The following TSHZ3 variants were observed in gnomAD, a reference collection of about 807,000 sequenced individuals.
TSHZ3 encodes the protein teashirt zinc finger homeobox 3, also known as teashirt homolog 3.
A neutral mutation model predicts 64.5 loss-of-function variants in TSHZ3; 10 were observed. The observed-to-expected ratio is 0.16, with a 90% CI of 0.10 to 0.26. The LOEUF (loss-of-function observed/expected upper bound fraction) is 0.26. Ranked by LOEUF, TSHZ3 falls within the 10% of genes least tolerant of loss-of-function variation. The pLI, the probability that TSHZ3 is intolerant of heterozygous loss-of-function variation, is 1.00. For synonymous variants in TSHZ3, 608 were observed against 593.1 expected (o/e 1.03, Z -0.36); for missense variants, 1,242 against 1,421.7 (o/e 0.87, Z 2.03).
At chr19:31,150,440 C>T (rs1386291993) in exon 7 of TSHZ3, among the ~76,000 whole-genome samples, 1 of 152,234 alleles carries the variant, frequency 6.6e-6, no homozygotes, top group Non-Finnish European at 1.5e-5. Flanking sequence ...AGAAGACAGC[C>T]AGGGTACCAT....
At chr19:31,325,109 A>G (rs1239328413) in intron 1 of TSHZ3, among the ~76,000 whole-genome samples, 1 of 152,210 alleles carries the variant, frequency 6.6e-6, no homozygotes, top group Non-Finnish European at 1.5e-5. Flanking sequence ...GGAACTAAAC[A>G]TAGGTAGTAT....
rs1182673958 is a variant in TSHZ3 at position 31,278,576 on chromosome 19, A to G, written c.1217T>C (p.Met406Thr). 2 of 1,614,162 alleles carry G rather than the reference A, an allele frequency of 1.2e-6. No homozygotes were observed. The highest frequency in any genetic ancestry group is 1.7e-6 in the Non-Finnish European group (2 of 1,180,034). ...DTLQELTAHMMVTGHFIKVTN... is the reference protein window; with the variant it reads ...DTLQELTAHMTVTGHFIKVTN... ...GACCTTGATGAAGTGGCCAGTGACC[A>G]TCATGTGGGCAGTGAGCTCCTGCAG... The change falls in exon 2 of 2, where the codon ATG becomes ACG. Residue 406 changes from methionine to threonine, a missense_variant. By Grantham distance (81) the Met-to-Thr change is moderately conservative. Around this residue, in one of 4 missense-constraint regions of TSHZ3, gnomAD observed 555 missense variants for 704.0 expected, o/e 0.79. Coordinates refer to ENST00000240587, the MANE Select transcript of TSHZ3 (RefSeq NM_020856.4). This position sits in a 1 kb window ranked among gnomAD's most constrained non-coding sequence, Gnocchi z 4.7.
At chr19:31,252,593 T>C (rs772466889) in intron 1 of TSHZ3, among the ~76,000 whole-genome samples, 11 of 152,226 alleles carry the variant, frequency 7.2e-5, no homozygotes, top group Non-Finnish European at 1.5e-4. Flanking sequence ...GATGGTTTTA[T>C]ACGCATCTGG....
intron 1 of TSHZ3, among the ~76,000 whole-genome samples, chr19:31,287,471 G>C (rs1048923197): frequency 1.3e-5 from 2 of 152,244 alleles, no homozygotes; most frequent in African/African-American, 4.8e-5. Flanking sequence ...CCAGGAGGGA[G>C]AGGAAGAGGC....
chr19:31,326,563 G>A (rs1916935509), intron 1 of TSHZ3, among the ~76,000 whole-genome samples: 1 of 152,260 alleles, frequency 6.6e-6, no homozygotes, highest in Non-Finnish European at 1.5e-5. Flanking sequence ...CAGATGCTCG[G>A]AGCCTGCACA....
rs1976252526 is a variant in TSHZ3 at position 31,277,112 on chromosome 19, C to T, written c.2681G>A (p.Arg894His). 1 of 1,602,502 alleles carries T rather than the reference C, an allele frequency of 6.2e-7. No individual in the cohort carries two copies. The highest frequency in any genetic ancestry group is 8.5e-7 in the Non-Finnish European group (1 of 1,173,158). ...ESTPAQKRKG[R>H]QSNWNPQHLL... ...GTGCTGGGGGTTCCAGTTTGACTGG[C>T]GGCCCTTCCTCTTCTGGGCGGGCGT... The change falls in exon 2 of 2, where the codon CGC (arginine) becomes CAC (histidine). Residue 894 changes from arginine to histidine, a missense_variant. Physicochemically the swap from Arg to His is conservative, Grantham distance 29 (BLOSUM62 0). Coordinates refer to ENST00000240587, the MANE Select transcript of TSHZ3 (RefSeq NM_020856.4). The surrounding 1 kb of genome is among the most constrained non-coding windows in gnomAD (Gnocchi z 4.5).
intron 1 of TSHZ3, chr19:31,348,918 G>T (rs1160379294): frequency 4.4e-6 from 2 of 451,474 alleles, no homozygotes; most frequent in African/African-American, 4.1e-5. Flanking sequence ...AGCTGAGGAG[G>T]TAGGGACCTG....
intron 1 of TSHZ3, chr19:31,308,710 C>T (rs747437803): frequency 7.5e-6 from 3 of 398,594 alleles, no homozygotes; most frequent in Non-Finnish European, 8.8e-6. Context: ...ATGCTCTTGT[C>T]TGGAAAGAGA....
At chr19:31,208,740 G>A (rs1975220712) in intron 4 of TSHZ3, among the ~76,000 whole-genome samples, 1 of 152,180 alleles carries the variant, frequency 6.6e-6, no homozygotes, top group African/African-American at 2.4e-5. Flanking sequence ...CTTTCCCAAT[G>A]CTGATTCCTG....
intron 4 of TSHZ3, among the ~76,000 whole-genome samples, chr19:31,208,705 A>G (rs1329902988): frequency 6.6e-6 from 1 of 152,232 alleles, no homozygotes; most frequent in Non-Finnish European, 1.5e-5. Context: ...GGGGCAGTGA[A>G]GACATGGTTT....
intron 5 of TSHZ3, among the ~76,000 whole-genome samples, chr19:31,174,091 A>C (rs191070417): frequency 2.3e-4 from 35 of 152,292 alleles, no homozygotes; most frequent in East Asian, 3.9e-4. Context: ...AACAAACAAA[A>C]AAAAAAATTG....
At chr19:31,281,493 T>G (rs1976360422) in intron 1 of TSHZ3, among the ~76,000 whole-genome samples, 1 of 152,176 alleles carries the variant, frequency 6.6e-6, no homozygotes, top group Non-Finnish European at 1.5e-5. Flanking sequence ...GCAAGAGTCT[T>G]GTCCAGGAGC....
rs141364056 is a variant in TSHZ3, at chr19:31,223,580, G to T, written n.686+4425C>A. On this transcript the variant is annotated intron_variant and non_coding_transcript_variant, in intron 4 of 6. Coordinates refer to the TSHZ3 transcript ENST00000651361. ...TTCACTCCAGTTATTTATTTATTTT[G>T]CTCTCTCCTTTGGAAAGCGATGCAC... Among the ~76,000 whole-genome samples the T allele has an allele frequency of 2.9e-3, 439 of 152,014 alleles. 1 individual carries two copies. Among genetic ancestry groups the T allele is most frequent in the Non-Finnish European group, 3.6e-3 (246 of 67,978 alleles).
At chr19:31,262,393 T>C (rs904463500) in intron 1 of TSHZ3, among the ~76,000 whole-genome samples, 3 of 152,164 alleles carry the variant, frequency 2.0e-5, no homozygotes, top group Non-Finnish European at 4.4e-5. Context: ...ACGAGCTGGG[T>C]AAATGCTACC....
intron 1 of TSHZ3, among the ~76,000 whole-genome samples, chr19:31,257,993 G>T (rs1293725601): frequency 1.3e-5 from 2 of 152,146 alleles, no homozygotes; most frequent in Non-Finnish European, 2.9e-5. Context: ...GACAGGGAGG[G>T]GACTGAGTGA....
At chr19:31,178,682 G>GA (rs546768505) in intron 5 of TSHZ3, among the ~76,000 whole-genome samples, 13 of 151,994 alleles carry the variant, frequency 8.6e-5, no homozygotes, top group Non-Finnish European at 1.8e-4. Flanking sequence ...TCCTTCTCAA[G>GA]AAAAAAAGAA....
intron 5 of TSHZ3, among the ~76,000 whole-genome samples, chr19:31,200,587 G>A (rs888116157): frequency 2.0e-5 from 3 of 152,152 alleles, no homozygotes; most frequent in African/African-American, 7.2e-5. Flanking sequence ...GGAGGCAGGC[G>A]AACAGACGAA....
At chr19:31,185,573 C>A (rs182560743) in intron 5 of TSHZ3, among the ~76,000 whole-genome samples, 2 of 152,154 alleles carry the variant, frequency 1.3e-5, no homozygotes, top group African/African-American at 4.8e-5. Flanking sequence ...AATGGTAAGT[C>A]CAGGCAAGGC....
chr19:31,229,625 A>G (rs1029737435), intron 3 of TSHZ3, among the ~76,000 whole-genome samples: 2 of 152,210 alleles, frequency 1.3e-5, no homozygotes, highest in African/African-American at 4.8e-5. Context: ...TCTTGATGAA[A>G]TTGATCACAT....
Sources: gnomAD v4.1 joint callset for allele counts (sites outside exome capture counted in the v4.1 genomes callset) on GRCh38, gnomAD v4.1.1 for gene constraint, gnomAD v4.1.1 regional missense constraint, Gnocchi (gnomAD v3.1) non-coding constraint, MANE v1.5 for transcripts, NCBI Gene and HGNC (gene_info 2026-07-23, HGNC 2026-07-21) for gene names.